EFCAB12: variants seen among roughly 807,000 people sequenced by gnomAD.
EFCAB12 encodes the protein EF-hand calcium binding domain 12, also known as EF-hand calcium-binding domain-containing protein 12.
A neutral mutation model predicts 53.6 loss-of-function variants in EFCAB12; 43 were observed. The observed-to-expected ratio is 0.80, with a 90% CI of 0.63 to 1.03. EFCAB12 has a LOEUF of 1.03. EFCAB12 is among the 50% of genes least tolerant of loss of function. The probability of loss-of-function intolerance (pLI) is 0.00; values close to 1 mark genes in which losing one functional copy is unlikely to be tolerated. For synonymous variants in EFCAB12, 269 were observed against 289.2 expected, an observed-to-expected ratio of 0.93 and a Z score of 0.71; for missense variants, 646 against 730.6, an observed-to-expected ratio of 0.88 and a Z score of 1.34.
intron 6 of EFCAB12, among the ~76,000 whole-genome samples, chr3:129,405,232 C>T (rs552941156): frequency 6.6e-6 from 1 of 152,310 alleles, no homozygotes; most frequent in South Asian, 2.1e-4. Flanking sequence ...AGGGTCTCCA[C>T]CTTCTGCAAC....
At chr3:129,417,255 G>A (rs566520311) in intron 3 of EFCAB12, among the ~76,000 whole-genome samples, 7 of 149,366 alleles carry the variant, frequency 4.7e-5, no homozygotes, top group Non-Finnish European at 8.9e-5. Flanking sequence ...AACCTGGGAG[G>A]CGGAGGTTGC....
At chr3:129,414,354 C>A (rs1321141595) in intron 4 of EFCAB12, 1 of 152,234 alleles carries the variant, frequency 6.6e-6, no homozygotes, top group Non-Finnish European at 1.5e-5. Context: ...CACCCCAGAT[C>A]TTTACCATTG....
Position 129,402,588 on chromosome 3 carries a change from GAAGA to G in EFCAB12, c.1404-13_1404-10del, listed in dbSNP as rs2071887454. 6.2e-7 allele frequency: 1 copy of G among 1,611,374 alleles called. No individual in the cohort carries two copies. The highest frequency in any genetic ancestry group is 1.3e-5 in the African/African-American group (1 of 75,008). Reference sequence around the variant, plus strand: ...TTTTCTTTGGCGTTTTCCTAGTGGAGAAGAGAGAGGCATTTTGTGAGGAGAGTGG... The same window carrying G: ...TTTTCTTTGGCGTTTTCCTAGTGGAGGAGAGGCATTTTGTGAGGAGAGTGG... On this transcript the variant is annotated splice_polypyrimidine_tract_variant and intron_variant, in intron 7 of 8. Transcript: ENST00000505956.
chr3:129,427,285 C>T (rs934265108), intron 1 of EFCAB12, among the ~76,000 whole-genome samples: 2 of 152,182 alleles, frequency 1.3e-5, no homozygotes, highest in African/African-American at 4.8e-5. Flanking sequence ...ATACTGTGCC[C>T]AGCTACTGAC....
chr3:129,404,132 G>T, intron 7 of EFCAB12, 118 bp downstream of exon 7: 2 of 1,369,220 alleles, frequency 1.5e-6, no homozygotes, highest in Non-Finnish European at 1.0e-6. Flanking sequence ...TGTTGCCCTA[G>T]GATGCAGACG....
At chr3:129,416,035 G>A (rs902148515) in intron 3 of EFCAB12, among the ~76,000 whole-genome samples, 2 of 152,076 alleles carry the variant, frequency 1.3e-5, no homozygotes, top group African/African-American at 2.4e-5. Flanking sequence ...CGCCTGGTTC[G>A]GCCTCCCAAA....
intron 3 of EFCAB12, among the ~76,000 whole-genome samples, chr3:129,417,701 G>C (rs1224503579): frequency 3.3e-5 from 5 of 152,174 alleles, no homozygotes; most frequent in Admixed American, 6.5e-5. Context: ...TGGTGTGATT[G>C]AAAGACTGGA....
chr3:129,401,759 A>G lies in EFCAB12; in HGVS notation c.1553T>C (p.Leu518Pro), dbSNP rs1301757762. ...GCTCCGGTCTGTGGCCACAGTGGGC[A>G]GGTAGAGCTGCAGCTTATCCAGAAG... ...GHLLDKLQLYLPTVATDRSLA... is the reference protein window; with the variant it reads ...GHLLDKLQLYPPTVATDRSLA... The change falls in exon 9 of 9, where the codon CTG (leucine) becomes CCG (proline). Residue 518 changes from leucine to proline, a missense_variant. Physicochemically the swap from Leu to Pro is moderately conservative, Grantham distance 98. Coordinates refer to ENST00000505956, the MANE Select transcript of EFCAB12 (RefSeq NM_207307.3). The G allele has an allele frequency of 2.5e-6, 4 of 1,608,850 alleles. No homozygotes were observed. Among genetic ancestry groups the G allele is most frequent in the Non-Finnish European group, 3.4e-6 (4 of 1,177,544 alleles).
chr3:129,414,653 A>G (rs2072090130), intron 4 of EFCAB12: 2 of 152,266 alleles, frequency 1.3e-5, no homozygotes, highest in African/African-American at 4.8e-5. Flanking sequence ...ATTCACAGCC[A>G]GAGCTTTAGC....
chr3:129,425,480 G>A (rs72986938), intron 1 of EFCAB12, among the ~76,000 whole-genome samples: 6,155 of 151,900 alleles, frequency 0.041, 374 homozygotes, highest in African/African-American at 0.12. Flanking sequence ...TCCTGGCTCT[G>A]GGTTTTCAGT....
intron 7 of EFCAB12, 200 bp downstream of exon 7, chr3:129,404,050 C>T: frequency 5.3e-6 from 3 of 570,110 alleles, no homozygotes; most frequent in South Asian, 2.7e-5. Context: ...GGCCAGCAGG[C>T]CATGATCCTG....
At chr3:129,405,300 G>A (rs1379176283) in intron 6 of EFCAB12, among the ~76,000 whole-genome samples, 2 of 152,202 alleles carry the variant, frequency 1.3e-5, no homozygotes, top group Non-Finnish European at 2.9e-5. Flanking sequence ...TCTAGAAAAA[G>A]TGATGGAAGT....
intron 6 of EFCAB12, among the ~76,000 whole-genome samples, chr3:129,406,562 GTGCAATCTCGGCTAGC>G (rs2071954116): frequency 6.6e-6 from 1 of 152,174 alleles, no homozygotes; most frequent in African/African-American, 2.4e-5. Context: ...GAGTGCAGTG[GTGCAATCTCGGCTAGC>G]TGCAACTTCG....
Position 129,428,519 on chromosome 3 carries a change from G to A in EFCAB12, c.-31C>T. The stretch of plus-strand genomic sequence containing the variant: ...TGGTGCTGGGAGGGGGTGCTGAAGG[G>A]CGTGTGTGAATGTGTGTCGATGTGG... On this transcript the variant is annotated 5_prime_UTR_variant, in exon 1 of 9. Transcript: ENST00000505956. The A allele has an allele frequency of 6.2e-7, 1 of 1,607,544 alleles. No individual in the cohort carries two copies. The highest frequency in any genetic ancestry group is 8.5e-7 in the Non-Finnish European group (1 of 1,176,836).
At position 129,417,343 on chromosome 3, in the gene EFCAB12, A is replaced by AC. The variant is rs2072130266; in HGVS notation, c.681+910_681+911insG. Reference sequence around the variant, plus strand: ...TGCCTCAAAAAAAAAAAAAAAACCAAAAAAAAAAAACCCAAAACCAAAAAA... The same window carrying AC: ...TGCCTCAAAAAAAAAAAAAAAACCAACAAAAAAAAAACCCAAAACCAAAAAA... On this transcript the variant is annotated intron_variant, in intron 3 of 8. Transcript: ENST00000505956. 1.5e-5 allele frequency among the ~76,000 whole-genome samples: 2 copies of AC among 135,946 alleles called. 1 individual carries two copies. The highest frequency in any genetic ancestry group is 5.8e-5 in the African/African-American group (2 of 34,360). The allele number at this position is 135,946 out of a possible 152,430, so 89.2% of individuals were successfully genotyped here.
At chr3:129,411,128 C>T in intron 5 of EFCAB12, 30 bp downstream of exon 5, 4 of 1,545,394 alleles carry the variant, frequency 2.6e-6, no homozygotes, top group Non-Finnish European at 3.5e-6. Context: ...AGTCCCCAAG[C>T]CGCATGCTCT....
intron 7 of EFCAB12, chr3:129,403,957 A>G (rs962866673): frequency 3.5e-5 from 9 of 255,180 alleles, no homozygotes; most frequent in African/African-American, 1.8e-4. Context: ...CCTGTTCTCT[A>G]AGGAGGCTCT....
chr3:129,403,534 T>C lies in EFCAB12; in HGVS notation c.1403+716A>G, dbSNP rs369305548. On this transcript the variant is annotated intron_variant, in intron 7 of 8. Transcript: ENST00000505956. ...ACCCAGTGGGCAGCTGGCAGGGGTC[T>C]AGAAGCAGGGGCAGGTCCAGGCCCC... The C allele has an allele frequency of 5.9e-5, 9 of 152,472 alleles. No individual in the cohort carries two copies. The East Asian group carries it at 1.4e-3, about 23-fold the overall frequency. The allele number at this position is 152,472 out of a possible 1,614,324, so 9.4% of individuals were successfully genotyped here. A position where few individuals can be genotyped will look rare whatever the true frequency, so the allele number is the denominator to read the frequency against.
intron 2 of EFCAB12, among the ~76,000 whole-genome samples, chr3:129,421,150 G>A (rs1357206187): frequency 1.3e-5 from 2 of 152,252 alleles, no homozygotes; most frequent in African/African-American, 2.4e-5. Context: ...TCTAGAAACG[G>A]TGTGTGATCA....
Sources: allele counts gnomAD v4.1 joint callset (sites outside exome capture counted in the v4.1 genomes callset), GRCh38; gene constraint gnomAD v4.1.1; transcripts MANE v1.5; gene names NCBI Gene and HGNC (gene_info 2026-07-23, HGNC 2026-07-21).